The following SCOC variants were observed in gnomAD, a reference collection of about 807,000 sequenced individuals.
SCOC encodes the protein short coiled coil protein.
Under a neutral mutation model 9.9 loss-of-function variants are expected in SCOC, and 7 were observed. The observed-to-expected ratio is 0.71, with a 90% CI of 0.40 to 1.33. The LOEUF is 1.33. Among genes scored for constraint, SCOC ranks in the 40% most tolerant of loss-of-function variants. The pLI, the probability that SCOC is intolerant of heterozygous loss-of-function variation, is 0.01. For synonymous variants in SCOC, 19 were observed against 28.2 expected, an observed-to-expected ratio of 0.67 and a Z score of 1.03; for missense variants, 66 against 89.7, an observed-to-expected ratio of 0.74 and a Z score of 1.07.
chr4:140,374,005 G>A (rs1440123799), intron 1 of SCOC: 1 of 600,654 alleles, frequency 1.7e-6, no homozygotes, highest in East Asian at 3.6e-5. Context: ...CTTTCTCCCC[G>A]CAGCTCCTGG....
chr4:140,371,689 A>G (rs547889919), upstream of SCOC, among the ~76,000 whole-genome samples: 5 of 152,252 alleles, frequency 3.3e-5, no homozygotes, highest in East Asian at 9.6e-4. Context: ...TTGTGTCAAT[A>G]CCACTTTTTT....
At chr4:140,355,215 A>T (rs1403621231) in intron 2 of SCOC, among the ~76,000 whole-genome samples, 2 of 6,004 alleles carry the variant, frequency 3.3e-4, no homozygotes, top group Admixed American at 1.9e-3. Context: ...ATATTTTTAT[A>T]TATATATATA....
At chr4:140,352,089 G>C (rs1033544458) in intron 2 of SCOC, among the ~76,000 whole-genome samples, 6 of 152,192 alleles carry the variant, frequency 3.9e-5, no homozygotes, top group Admixed American at 6.5e-5. Flanking sequence ...AGTGGCGAGC[G>C]CTGGCTGAGC....
At chr4:140,379,017 A>C (rs1728459721) in intron 1 of SCOC, 104 bp from the exon 2 acceptor site, 1 of 722,036 alleles carries the variant, frequency 1.4e-6, no homozygotes, top group Non-Finnish European at 2.5e-6. Flanking sequence ...AAAGCATATG[A>C]AAAGTCCTAC....
At chr4:140,308,646 C>A (rs1393235769) in intron 1 of SCOC, among the ~76,000 whole-genome samples, 2 of 152,194 alleles carry the variant, frequency 1.3e-5, no homozygotes, top group Non-Finnish European at 2.9e-5. Flanking sequence ...TGTCTGTGCA[C>A]GCACGCTCAT....
chr4:140,366,137 T>G, intron 2 of SCOC: 1 of 456,180 alleles, frequency 2.2e-6, no homozygotes, highest in Non-Finnish European at 3.8e-6. Flanking sequence ...CAGCCTAGCA[T>G]TTTAGAGCCT....
chr4:140,342,229 G>A (rs1156439402), upstream of SCOC, among the ~76,000 whole-genome samples: 9 of 152,044 alleles, frequency 5.9e-5, no homozygotes, highest in Admixed American at 2.0e-4. Context: ...CTCCTTCACT[G>A]AGAAAGCACT....
chr4:140,324,991 C>A lies in SCOC; in HGVS notation c.-18-18630C>A, dbSNP rs181315046. Among the ~76,000 whole-genome samples, 328 of 152,060 alleles carry A rather than the reference C, an allele frequency of 2.2e-3. 5 individuals carry two copies. Among genetic ancestry groups the A allele is most frequent in the Non-Finnish European group, 2.3e-3 (153 of 67,936 alleles). Reference sequence around the variant, plus strand: ...TAAGCTAAAGGACAGACACATGGAGCAATGGAACAGAAAAGAGAATTCATA... The same window carrying A: ...TAAGCTAAAGGACAGACACATGGAGAAATGGAACAGAAAAGAGAATTCATA... On this transcript the variant is annotated intron_variant, in intron 1 of 4. Transcript: ENST00000394205.
At chr4:140,317,442 G>A (rs1021868767) in intron 1 of SCOC, among the ~76,000 whole-genome samples, 20 of 152,090 alleles carry the variant, frequency 1.3e-4, no homozygotes, top group East Asian at 3.9e-4. Context: ...GTTCTGTTCC[G>A]TTCTGATTAC....
At chr4:140,259,168 G>T (rs1730575062) in intron 1 of SCOC, among the ~76,000 whole-genome samples, 1 of 152,234 alleles carries the variant, frequency 6.6e-6, no homozygotes, top group African/African-American at 2.4e-5. Context: ...ACAAAAGGTT[G>T]GATATGGCTA....
chr4:140,316,975 A>T (rs1010879582), intron 1 of SCOC, among the ~76,000 whole-genome samples: 3 of 152,130 alleles, frequency 2.0e-5, no homozygotes, highest in African/African-American at 4.8e-5. Context: ...TCCCTTCTCA[A>T]GGTCATGTCA....
chr4:140,293,338 C>T lies in SCOC; in HGVS notation c.-19+35928C>T, dbSNP rs567615298. 5.9e-5 allele frequency: 27 copies of T among 456,820 alleles called. No individual in the cohort carries two copies. In the East Asian group the frequency reaches 1.8e-3, roughly 31 times the overall value. 28.3% of individuals were successfully genotyped at this position (456,820 alleles called of 1,614,324 possible). ...AAGGCTTATCTTTACTGCCTGTTTC[C>T]TCACGTCACTCCTGGTGTGTCTTGT... is the stretch of plus-strand genomic sequence containing the variant. On this transcript the variant is annotated intron_variant, in intron 1 of 4. Coordinates refer to the SCOC transcript ENST00000394205.
intron 2 of SCOC, among the ~76,000 whole-genome samples, chr4:140,361,934 T>C (rs1727489387): frequency 6.6e-6 from 1 of 152,022 alleles, no homozygotes; most frequent in Admixed American, 6.5e-5. Flanking sequence ...AAAGAATGAG[T>C]TGCAAGGAAT....
chr4:140,297,972 C>G (rs1731701171), intron 1 of SCOC, among the ~76,000 whole-genome samples: 1 of 152,198 alleles, frequency 6.6e-6, no homozygotes, highest in Non-Finnish European at 1.5e-5. Flanking sequence ...TTTTAAGCCT[C>G]CATTCCTCTG....
At chr4:140,318,392 AAAC>A (rs1329661656) in intron 1 of SCOC, among the ~76,000 whole-genome samples, 3 of 112,542 alleles carry the variant, frequency 2.7e-5, no homozygotes, top group Non-Finnish European at 3.4e-5. Context: ...AGAAAAAAAC[AAAC>A]AACCCCATCA....
intron 2 of SCOC, among the ~76,000 whole-genome samples, chr4:140,347,719 G>A (rs1726798425): frequency 6.6e-6 from 1 of 152,178 alleles, no homozygotes; most frequent in African/African-American, 2.4e-5. Flanking sequence ...ATGTGGGAAA[G>A]GGGCAATGGT....
chr4:140,324,867 T>G (rs1409662846), intron 1 of SCOC, among the ~76,000 whole-genome samples: 1 of 151,632 alleles, frequency 6.6e-6, no homozygotes, highest in Non-Finnish European at 1.5e-5. Context: ...GGACCTAGAA[T>G]AGCCAAAGCA....
At chr4:140,281,200 A>C (rs561247648) in intron 1 of SCOC, among the ~76,000 whole-genome samples, 11 of 151,454 alleles carry the variant, frequency 7.3e-5, no homozygotes, top group African/African-American at 2.7e-4. Context: ...GCGAGGTGGC[A>C]CTCACCTAGG....
intron 1 of SCOC, among the ~76,000 whole-genome samples, chr4:140,261,932 GT>G (rs1730641750): frequency 6.6e-6 from 1 of 152,190 alleles, no homozygotes; most frequent in Non-Finnish European, 1.5e-5. Context: ...GGATTCTATT[GT>G]CAAAAGAGTG....
Sources: allele counts gnomAD v4.1 joint callset (sites outside exome capture counted in the v4.1 genomes callset), GRCh38; gene constraint gnomAD v4.1.1; transcripts MANE v1.5; gene names NCBI Gene and HGNC (gene_info 2026-07-23, HGNC 2026-07-21).